CSRNP3: variants seen among roughly 807,000 people sequenced by gnomAD.
CSRNP3 encodes the protein cysteine/serine-rich nuclear protein 3.
Under a neutral mutation model 48.0 loss-of-function variants are expected in CSRNP3, and 12 were observed. The observed-to-expected ratio is 0.25, with a 90% confidence interval of 0.16 to 0.41. The LOEUF is 0.41. Ranked by LOEUF, CSRNP3 falls within the 10% of genes least tolerant of loss-of-function variation. CSRNP3 has a pLI of 1.00. For missense variants in CSRNP3, 580 were observed against 724.4 expected (o/e 0.80, Z 2.29); for synonymous variants, 263 against 269.7 (o/e 0.98, Z 0.24).
chr2:165,556,966 A>T (rs1319671066), intron 3 of CSRNP3, among the ~76,000 whole-genome samples: 1 of 152,174 alleles, frequency 6.6e-6, no homozygotes, highest in African/African-American at 2.4e-5. Context: ...TAGAAACCAG[A>T]GTCATTGCTA....
At chr2:165,655,273 C>T (rs6432838) in intron 4 of CSRNP3, among the ~76,000 whole-genome samples, 116,916 of 152,056 alleles carry the variant, frequency 0.77, 45,448 homozygotes, top group Non-Finnish European at 0.83. Context: ...GCCTCAGCTG[C>T]ATGCTGAAAT....
intron 3 of CSRNP3, among the ~76,000 whole-genome samples, chr2:165,593,061 A>G (rs1180665652): frequency 6.6e-6 from 1 of 152,046 alleles, no homozygotes; most frequent in Admixed American, 6.6e-5. Flanking sequence ...TCGGCCTCCC[A>G]AAGTGCTGGG....
intron 5 of CSRNP3, 71 bp from the exon 6 acceptor site, chr2:165,676,241 A>G (rs1227357931): frequency 8.9e-7 from 1 of 1,123,148 alleles, no homozygotes; most frequent in East Asian, 2.4e-5. Context: ...GTTCATTCTC[A>G]CCCAGTACAA....
At chr2:165,577,410 G>T (rs1329470956) in intron 3 of CSRNP3, among the ~76,000 whole-genome samples, 1 of 151,724 alleles carries the variant, frequency 6.6e-6, no homozygotes, top group East Asian at 1.9e-4. Flanking sequence ...GTCTAGTAGA[G>T]TTGGAAAATA....
At chr2:165,594,371 G>A (rs1229088415) in intron 3 of CSRNP3, among the ~76,000 whole-genome samples, 1 of 152,120 alleles carries the variant, frequency 6.6e-6, no homozygotes, top group Non-Finnish European at 1.5e-5. Context: ...CCAGGGAAAG[G>A]GGAAAGTCCA....
At position 165,679,980 on chromosome 2, in the gene CSRNP3, G is replaced by A. The variant is rs1013981608; in HGVS notation, c.*227G>A. 3.4e-6 allele frequency: 2 copies of A among 587,982 alleles called. No individual in the cohort carries two copies. Among genetic ancestry groups the A allele is most frequent in the African/African-American group, 1.9e-5 (1 of 53,258 alleles). 36.4% of individuals were successfully genotyped at this position (587,982 alleles called of 1,614,324 possible). On this transcript the variant is annotated 3_prime_UTR_variant, in exon 7 of 7. Coordinates refer to ENST00000651982, the MANE Select transcript of CSRNP3 (RefSeq NM_001172173.2). ...ATTTCAGACTGTTTTGATAGAAAAA[G>A]CTAAATTTTAAAATGCATATCTCAC...
At chr2:165,610,523 A>T (rs896937580) in intron 4 of CSRNP3, among the ~76,000 whole-genome samples, 10 of 152,124 alleles carry the variant, frequency 6.6e-5, no homozygotes, top group Non-Finnish European at 1.3e-4. Flanking sequence ...TAATAGTCAG[A>T]ACTTTGGCCT....
At chr2:165,606,087 T>A (rs991784680) in intron 4 of CSRNP3, among the ~76,000 whole-genome samples, 3 of 151,006 alleles carry the variant, frequency 2.0e-5, no homozygotes, top group Non-Finnish European at 4.4e-5. Flanking sequence ...GAAAATAAAT[T>A]CCCAATGAAC....
intron 5 of CSRNP3, among the ~76,000 whole-genome samples, chr2:165,660,587 T>A (rs1160670183): frequency 1.3e-5 from 2 of 152,140 alleles, no homozygotes; most frequent in African/African-American, 4.8e-5. Context: ...ATGTGATGAA[T>A]GTAAGGGGAA....
chr2:165,564,435 G>T (rs1685273440), intron 3 of CSRNP3, among the ~76,000 whole-genome samples: 1 of 151,896 alleles, frequency 6.6e-6, no homozygotes, highest in Admixed American at 6.6e-5. Flanking sequence ...TATAGAAAAA[G>T]CCAAAGTAGA....
At chr2:165,502,423 T>C (rs1423218017) in intron 2 of CSRNP3, among the ~76,000 whole-genome samples, 1 of 152,042 alleles carries the variant, frequency 6.6e-6, no homozygotes, top group Non-Finnish European at 1.5e-5. Flanking sequence ...TGTATTTATA[T>C]GCTTTATCCT....
At chr2:165,628,733 AT>A (rs1446057988) in intron 4 of CSRNP3, among the ~76,000 whole-genome samples, 1 of 152,022 alleles carries the variant, frequency 6.6e-6, no homozygotes, top group African/African-American at 2.4e-5. Flanking sequence ...TCCAAAAAAA[AT>A]AAATCAGTAT....
chr2:165,524,635 A>T (rs1684709381), intron 3 of CSRNP3, among the ~76,000 whole-genome samples: 2 of 152,098 alleles, frequency 1.3e-5, no homozygotes, highest in African/African-American at 4.8e-5. Context: ...CTGGCAACTA[A>T]TCTGCTCTAG....
At chr2:165,598,744 GT>G (rs1685851531) in intron 4 of CSRNP3, among the ~76,000 whole-genome samples, 1 of 152,062 alleles carries the variant, frequency 6.6e-6, no homozygotes, top group South Asian at 2.1e-4. Flanking sequence ...CTAACATGCT[GT>G]TTTAGCTTTG....
chr2:165,536,855 T>C (rs1314845776), intron 3 of CSRNP3, among the ~76,000 whole-genome samples: 2 of 151,858 alleles, frequency 1.3e-5, no homozygotes, highest in Non-Finnish European at 1.5e-5. Context: ...GTGTTTTCAA[T>C]TAAATAGATG....
chr2:165,486,250 G>A (rs1193802723), intron 1 of CSRNP3, among the ~76,000 whole-genome samples: 2 of 152,194 alleles, frequency 1.3e-5, no homozygotes, highest in African/African-American at 2.4e-5. Context: ...CTTAAAAAAC[G>A]GTGCACCACG....
chr2:165,678,919 C>A lies in CSRNP3; in HGVS notation c.924C>A (p.Ser308=). 6.2e-7 allele frequency: 1 copy of A among 1,613,988 alleles called. No individual in the cohort carries two copies. The highest frequency in any genetic ancestry group is 8.5e-7 in the Non-Finnish European group (1 of 1,179,990). ...GTTCTATGGGCCCTGTCGCTCACTC[C>A]GTAGAATATTCAATCGCAGACAGTT... ...HSSSMGPVAH[S]VEYSIADSFE... Residue 308 remains serine (S), a synonymous_variant, in exon 7 of 7, where the codon TCC becomes TCA. Transcript: ENST00000651982.
chr2:165,648,917 A>G (rs1686858557), intron 4 of CSRNP3, among the ~76,000 whole-genome samples: 1 of 152,174 alleles, frequency 6.6e-6, no homozygotes, highest in Non-Finnish European at 1.5e-5. Context: ...ATTCGATCAA[A>G]CCAAACCAAT....
chr2:165,554,249 C>T (rs1685135572), intron 3 of CSRNP3, among the ~76,000 whole-genome samples: 2 of 152,280 alleles, frequency 1.3e-5, no homozygotes, highest in African/African-American at 4.8e-5. Context: ...GGTTCTTCCT[C>T]ATTTCCTCAA....
Sources: allele counts gnomAD v4.1 joint callset (sites outside exome capture counted in the v4.1 genomes callset), GRCh38; gene constraint gnomAD v4.1.1; transcripts MANE v1.5; gene names NCBI Gene and HGNC (gene_info 2026-07-23, HGNC 2026-07-21).